The following ANAPC10 variants were observed in gnomAD, a reference collection of about 807,000 sequenced individuals.
The protein encoded by ANAPC10 is anaphase promoting complex subunit 10.
In ANAPC10, 12 loss-of-function variants were observed where a neutral mutation model predicts 22.0. The observed-to-expected ratio is 0.55, with a 90% CI of 0.35 to 0.88. The LOEUF is 0.88. ANAPC10 is among the 40% of genes least tolerant of loss of function. The pLI is 0.01. For synonymous variants in ANAPC10, 65 were observed against 69.5 expected, an observed-to-expected ratio of 0.94 and a Z score of 0.32; for missense variants, 188 against 220.9, an observed-to-expected ratio of 0.85 and a Z score of 0.94.
chr4:144,998,828 G>A (rs1161327109), intron 4 of ANAPC10, among the ~76,000 whole-genome samples: 20 of 152,088 alleles, frequency 1.3e-4, no homozygotes, highest in Admixed American at 1.2e-3. Flanking sequence ...GAATACAGGA[G>A]CTGGTTTTTT....
chr4:145,078,346 C>T (rs1419511951), intron 3 of ANAPC10, among the ~76,000 whole-genome samples: 1 of 150,546 alleles, frequency 6.6e-6, no homozygotes, highest in East Asian at 1.9e-4. Context: ...ACAAGAATTA[C>T]AAAACACTGC....
At chr4:144,995,706 C>T in intron 4 of ANAPC10, 103 bp from the exon 5 acceptor site, 1 of 796,564 alleles carries the variant, frequency 1.3e-6, no homozygotes, top group Non-Finnish European at 1.9e-6. Flanking sequence ...ACATTTTGCT[C>T]AACGAAAGAA....
chr4:145,030,363 T>C (rs974484425), intron 4 of ANAPC10, among the ~76,000 whole-genome samples: 5 of 152,122 alleles, frequency 3.3e-5, no homozygotes. Context: ...ATTTATACAG[T>C]GAATCTTTCT....
intron 4 of ANAPC10, among the ~76,000 whole-genome samples, chr4:145,041,086 ATGACT>A (rs1739443045): frequency 6.6e-6 from 1 of 152,194 alleles, no homozygotes; most frequent in South Asian, 2.1e-4. Flanking sequence ...TGTAGGATCT[ATGACT>A]TCTAGTGGTC....
chr4:145,082,323 A>G (rs1272202502), intron 2 of ANAPC10, among the ~76,000 whole-genome samples: 3 of 151,886 alleles, frequency 2.0e-5, no homozygotes, highest in African/African-American at 7.3e-5. Context: ...CTAATTTCAT[A>G]TTTTTAGTAG....
chr4:145,040,679 G>A (rs1032152298), intron 4 of ANAPC10, among the ~76,000 whole-genome samples: 10 of 152,152 alleles, frequency 6.6e-5, no homozygotes, highest in African/African-American at 2.4e-4. Flanking sequence ...GCCAGGATTT[G>A]AAAGTAATTA....
chr4:145,052,315 T>C (rs1468417175), intron 4 of ANAPC10, among the ~76,000 whole-genome samples: 3 of 152,190 alleles, frequency 2.0e-5, no homozygotes, highest in African/African-American at 7.2e-5. Flanking sequence ...ATTAGCTTGA[T>C]TTAGTCAGTC....
chr4:145,084,281 T>C (rs1446579257), intron 2 of ANAPC10, among the ~76,000 whole-genome samples: 1 of 152,250 alleles, frequency 6.6e-6, no homozygotes, highest in African/African-American at 2.4e-5. Context: ...GCATTGAATT[T>C]CAAATTACTA....
intron 3 of ANAPC10, among the ~76,000 whole-genome samples, chr4:145,075,460 C>T (rs1023461586): frequency 6.6e-6 from 1 of 151,548 alleles, no homozygotes; most frequent in African/African-American, 2.4e-5. Context: ...CTAGATGTGG[C>T]CAGGAAGAGC....
chr4:145,022,797 CAAAA>C (rs750015564), intron 4 of ANAPC10, among the ~76,000 whole-genome samples: 1 of 85,150 alleles, frequency 1.2e-5, no homozygotes, highest in Non-Finnish European at 2.6e-5. Context: ...ACTGCCAAAC[CAAAA>C]AAAAAAAAAA....
chr4:145,069,010 A>C (rs1744103208), intron 3 of ANAPC10, among the ~76,000 whole-genome samples: 1 of 152,228 alleles, frequency 6.6e-6, no homozygotes, highest in Admixed American at 6.5e-5. Flanking sequence ...TTTTGAAAGG[A>C]TATATGAGAC....
chr4:145,005,717 C>T (rs1184408582), intron 4 of ANAPC10, among the ~76,000 whole-genome samples: 2 of 152,082 alleles, frequency 1.3e-5, no homozygotes, highest in Non-Finnish European at 2.9e-5. Flanking sequence ...TTCATGTGTA[C>T]CCAGAAGTCA....
intron 2 of ANAPC10, among the ~76,000 whole-genome samples, chr4:145,095,257 A>C (rs915511779): frequency 2.0e-5 from 3 of 152,232 alleles, no homozygotes; most frequent in African/African-American, 7.2e-5. Flanking sequence ...CAAAATATTA[A>C]AAGGGAAATT....
intron 2 of ANAPC10, among the ~76,000 whole-genome samples, chr4:145,084,033 C>T (rs917476707): frequency 1.3e-5 from 2 of 151,690 alleles, no homozygotes; most frequent in African/African-American, 4.8e-5. Flanking sequence ...TGCAGTAGCA[C>T]CATCAAAGCT....
intron 4 of ANAPC10, among the ~76,000 whole-genome samples, chr4:145,045,136 A>C (rs1740106627): frequency 6.6e-6 from 1 of 152,122 alleles, no homozygotes. Flanking sequence ...TATTCAAAAA[A>C]GGCTTAAGTT....
At chr4:145,014,556 G>A (rs905422879) in intron 4 of ANAPC10, among the ~76,000 whole-genome samples, 8 of 152,068 alleles carry the variant, frequency 5.3e-5, no homozygotes, top group African/African-American at 1.4e-4. Flanking sequence ...TAGGCCCCCC[G>A]CCCACCGTCT....
chr4:145,012,169 TGTGTGTG>T (rs1238478897), intron 4 of ANAPC10, among the ~76,000 whole-genome samples: 2 of 107,872 alleles, frequency 1.9e-5, no homozygotes, highest in Non-Finnish European at 3.7e-5. Context: ...TGTATATGTG[TGTGTGTG>T]TATATATATA....
chr4:145,082,328 T>C (rs1746178718), intron 2 of ANAPC10, among the ~76,000 whole-genome samples: 1 of 152,066 alleles, frequency 6.6e-6, no homozygotes, highest in Non-Finnish European at 1.5e-5. Context: ...TTCATATTTT[T>C]AGTAGAGAAG....
chr4:145,078,739 T>C (rs1191614546), intron 3 of ANAPC10, among the ~76,000 whole-genome samples: 5 of 152,196 alleles, frequency 3.3e-5, no homozygotes, highest in Admixed American at 2.0e-4. Context: ...TACAACCATC[T>C]GATCTTCAAC....
Sources: allele counts gnomAD v4.1 joint callset (sites outside exome capture counted in the v4.1 genomes callset), GRCh38; gene constraint gnomAD v4.1.1; transcripts MANE v1.5; gene names NCBI Gene and HGNC (gene_info 2026-07-23, HGNC 2026-07-21).